Variants in ADM2 observed in about 807,000 individuals in gnomAD.
The protein encoded by ADM2 is adrenomedullin 2.
A neutral mutation model predicts 7.1 loss-of-function variants in ADM2; 5 were observed. The observed-to-expected ratio is 0.71, with a 90% CI of 0.37 to 1.49. The LOEUF (loss-of-function observed/expected upper bound fraction) is 1.49, where lower values mean the gene tolerates loss of function less well. Ranked by LOEUF, ADM2 falls within the 40% of genes most tolerant of loss-of-function variation. The pLI, the probability that ADM2 is intolerant of heterozygous loss-of-function variation, is 0.03. For synonymous variants in ADM2, 123 were observed against 92.8 expected, an observed-to-expected ratio of 1.33 and a Z score of -1.87; for missense variants, 236 against 211.2, an observed-to-expected ratio of 1.12 and a Z score of -0.73.
rs935974672 is a variant in ADM2 at position 50,481,767 on chromosome 22, C to A, written c.-12+4C>A. ...CGACCGCGGAGGACTCCCCGAGGTGCCGGCGGAGGGGGTGGCTCGCGGCTC... is the reference window on the plus strand; with the variant it reads ...CGACCGCGGAGGACTCCCCGAGGTGACGGCGGAGGGGGTGGCTCGCGGCTC... On this transcript the variant is annotated splice_donor_region_variant and intron_variant, in intron 1 of 2. Coordinates refer to ENST00000395737, the MANE Select transcript of ADM2 (RefSeq NM_001253845.2). 2 of 986,374 alleles carry A rather than the reference C, an allele frequency of 2.0e-6. No homozygotes were observed. Among genetic ancestry groups the A allele is most frequent in the Non-Finnish European group, 1.4e-6 (1 of 720,264 alleles). 61.1% of individuals were successfully genotyped at this position (986,374 alleles called of 1,614,324 possible). A position where few individuals can be genotyped will look rare whatever the true frequency, so the allele number is the denominator to read the frequency against.
rs1197461667 is a variant in ADM2, at chr22:50,485,289, G to C, written c.*2386G>C. 2 of 152,220 alleles carry C rather than the reference G, an allele frequency of 1.3e-5. No homozygotes were observed. The highest frequency in any genetic ancestry group is 2.4e-5 in the African/African-American group (1 of 41,422). 9.4% of individuals were successfully genotyped at this position (152,220 alleles called of 1,614,324 possible). On this transcript the variant is annotated 3_prime_UTR_variant, in exon 3 of 3. Coordinates refer to ENST00000395737, the MANE Select transcript of ADM2 (RefSeq NM_001253845.2). Reference sequence around the variant, plus strand: ...CTAAGCCCGGGAGGTGGAGGTTGCAGTGAGCCCAGATGGCGCTGCTGCACT... The same window carrying C: ...CTAAGCCCGGGAGGTGGAGGTTGCACTGAGCCCAGATGGCGCTGCTGCACT...
chr22:50,482,572 C>T lies in ADM2; in HGVS notation c.116C>T (p.Pro39Leu). The change falls in exon 3 of 3, where the codon CCC becomes CTC. Residue 39 changes from proline to leucine, a missense_variant. Transcript: ENST00000395737. ...TTCTCCATCTGCCTCTGCAGGGAGC[C>T]CCCAGCCCGGAGCCCTTCCAGCAGC... Reference protein sequence around the residue: ...GDPRPVKPREPPARSPSSSLQ... With the variant: ...GDPRPVKPRELPARSPSSSLQ... 6.9e-7 allele frequency: 1 copy of T among 1,459,068 alleles called. No homozygotes were observed. Among genetic ancestry groups the T allele is most frequent in the East Asian group, 2.5e-5 (1 of 40,366 alleles). 90.4% of individuals were successfully genotyped at this position (1,459,068 alleles called of 1,614,324 possible). A position where few individuals can be genotyped will look rare whatever the true frequency, so the allele number is the denominator to read the frequency against.
chr22:50,482,786 T>C lies in ADM2; in HGVS notation c.330T>C (p.Cys110=). 10 of 1,608,254 alleles carry C rather than the reference T, an allele frequency of 6.2e-6. No individual in the cohort carries two copies. Among genetic ancestry groups the C allele is most frequent in the Non-Finnish European group, 8.5e-6 (10 of 1,179,202 alleles). Reference sequence around the variant, plus strand: ...AAGCCCAGCTCCTGCGAGTGGGCTGTGTGCTGGGCACCTGCCAGGTGCAGA... The same window carrying C: ...AAGCCCAGCTCCTGCGAGTGGGCTGCGTGCTGGGCACCTGCCAGGTGCAGA... ...RTQAQLLRVG[C]VLGTCQVQNL... The change falls in exon 3 of 3, where the codon TGT becomes TGC. Residue 110 remains cysteine, a synonymous_variant. Transcript: ENST00000395737.
Position 50,485,387 on chromosome 22 carries a change from G to A in ADM2, c.*2484G>A, listed in dbSNP as rs1437307077. On this transcript the variant is annotated 3_prime_UTR_variant, in exon 3 of 3. Transcript: ENST00000395737. ...CCTCTCTTCCTTCACACCTTCCTCT[G>A]AATCCCACCCGGTCCCACCTCCTGA... 1.3e-5 allele frequency: 2 copies of A among 151,958 alleles called. No homozygotes were observed. Among genetic ancestry groups the A allele is most frequent in the Non-Finnish European group, 1.5e-5 (1 of 68,152 alleles). The allele number at this position is 151,958 out of a possible 1,614,324, so 9.4% of individuals were successfully genotyped here.
rs547189718 is a variant in ADM2 at position 50,484,317 on chromosome 22, T to C, written c.*1414T>C. 1 of 152,846 alleles carries C rather than the reference T, an allele frequency of 6.5e-6. No homozygotes were observed. The highest frequency in any genetic ancestry group is 2.4e-5 in the African/African-American group (1 of 41,560). 9.5% of individuals were successfully genotyped at this position (152,846 alleles called of 1,614,324 possible). ...ATTGCAGCAAAGGTGGTCAGGGTGA[T>C]GGGCCGCACAGCGAGGCAGTCAAGG... On this transcript the variant is annotated 3_prime_UTR_variant, in exon 3 of 3. Transcript: ENST00000395737.
At position 50,482,563 on chromosome 22, in the gene ADM2, G is replaced by A. The variant is rs752395630; in HGVS notation, c.111-4G>A. On this transcript the variant is annotated splice_polypyrimidine_tract_variant and splice_region_variant and intron_variant, in intron 2 of 2. Coordinates refer to ENST00000395737, the MANE Select transcript of ADM2 (RefSeq NM_001253845.2). ...TGGTTGACATTCTCCATCTGCCTCT[G>A]CAGGGAGCCCCCAGCCCGGAGCCCT... The A allele has an allele frequency of 6.2e-6, 9 of 1,455,132 alleles. No individual in the cohort carries two copies. Among genetic ancestry groups the A allele is most frequent in the Non-Finnish European group, 8.2e-6 (9 of 1,101,918 alleles). 90.1% of individuals were successfully genotyped at this position (1,455,132 alleles called of 1,614,324 possible).
chr22:50,482,222 G>C (rs561023764), intron 2 of ADM2, among the ~76,000 whole-genome samples: 2 of 152,298 alleles, frequency 1.3e-5, no homozygotes, highest in South Asian at 4.1e-4. Context: ...GGGAGGGGAG[G>C]CTGGCGGTAT....
In ADM2 at chr22:50,481,908, G is replaced by A; in HGVS notation, c.61G>A (p.Gly21Ser). ...CAGCCTCCTCTGCCTGCAGCTCCCTGGCTCGCTGTCCCGCAGCCTGGGCGG... is the reference window on the plus strand; with the variant it reads ...CAGCCTCCTCTGCCTGCAGCTCCCTAGCTCGCTGTCCCGCAGCCTGGGCGG... The part of the protein sequence containing the change: ...CISLLCLQLP[G>S]SLSRSLGGDP... Residue 21 changes from glycine (G) to serine (S), a missense_variant, in exon 2 of 3, where the codon GGC becomes AGC. Coordinates refer to ENST00000395737, the MANE Select transcript of ADM2 (RefSeq NM_001253845.2). The A allele has an allele frequency of 1.3e-6, 2 of 1,534,618 alleles. No individual in the cohort carries two copies. The highest frequency in any genetic ancestry group is 5.2e-5 in the East Asian group (2 of 38,188).
chr22:50,481,809 GC>G, intron 1 of ADM2, 27 bp from the exon 2 acceptor site: 1 of 1,414,812 alleles, frequency 7.1e-7, no homozygotes, highest in East Asian at 3.0e-5. Context: ...CCCCCGACGT[GC>G]CCGGCTCACC....
Position 50,482,928 on chromosome 22 carries a change from C to G in ADM2, c.*25C>G, listed in dbSNP as rs764410445. On this transcript the variant is annotated 3_prime_UTR_variant, in exon 3 of 3. Coordinates refer to ENST00000395737, the MANE Select transcript of ADM2 (RefSeq NM_001253845.2). ...AGGTGGGGCCGGGCCACACCCCTGCCCATCCCAGCCAGGGTGCTGTGCCCC... is the reference window on the plus strand; with the variant it reads ...AGGTGGGGCCGGGCCACACCCCTGCGCATCCCAGCCAGGGTGCTGTGCCCC... 2 of 1,562,048 alleles carry G rather than the reference C, an allele frequency of 1.3e-6. No homozygotes were observed. Among genetic ancestry groups the G allele is most frequent in the African/African-American group, 1.3e-5 (1 of 74,168 alleles).
intron 2 of ADM2, 94 bp from the exon 3 acceptor site, chr22:50,482,473 A>C (rs1162112581): frequency 7.1e-7 from 1 of 1,413,140 alleles, no homozygotes; most frequent in Non-Finnish European, 9.2e-7. Context: ...TTCCCCTGGC[A>C]GTGACCCAGG....
chr22:50,485,799 T>A lies in ADM2; in HGVS notation c.*2896T>A, dbSNP rs77415755. ...GTCAGCTGCCCACAGCCCTCTTGCC[T>A]GACCCCTGAAGCCCAGAACTCTGAT... On this transcript the variant is annotated 3_prime_UTR_variant, in exon 3 of 3. Coordinates refer to ENST00000395737, the MANE Select transcript of ADM2 (RefSeq NM_001253845.2). 343 of 152,626 alleles carry A rather than the reference T, an allele frequency of 2.2e-3. 4 individuals are homozygous for A. The highest frequency in any genetic ancestry group is 7.9e-3 in the African/African-American group (330 of 41,578). The allele number at this position is 152,626 out of a possible 1,614,324, so 9.5% of individuals were successfully genotyped here. A position where few individuals can be genotyped will look rare whatever the true frequency, so the allele number is the denominator to read the frequency against.
rs374533670 is a variant in ADM2, at chr22:50,482,615, C to A, written c.159C>A (p.Pro53=). 1 of 1,498,880 alleles carries A rather than the reference C, an allele frequency of 6.7e-7. No homozygotes were observed. The highest frequency in any genetic ancestry group is 8.9e-7 in the Non-Finnish European group (1 of 1,122,932). The allele number at this position is 1,498,880 out of a possible 1,614,324, so 92.8% of individuals were successfully genotyped here. A position where few individuals can be genotyped will look rare whatever the true frequency, so the allele number is the denominator to read the frequency against. The change falls in exon 3 of 3, where the codon CCC becomes CCA. Residue 53 remains proline, a synonymous_variant. Coordinates refer to ENST00000395737, the MANE Select transcript of ADM2 (RefSeq NM_001253845.2). ...CCAGCAGCCTGCAGCCCAGGCACCC[C>A]GCACCCCGACCTGTGGTCTGGAAGC... ...SPSSSLQPRH[P]APRPVVWKLH...
Position 50,482,542 on chromosome 22 carries a change from T to A in ADM2, c.111-25T>A, listed in dbSNP as rs368447980. 2.1e-6 allele frequency: 3 copies of A among 1,448,900 alleles called. No homozygotes were observed. In the East Asian group the frequency reaches 7.5e-5, roughly 36 times the overall value. The allele number at this position is 1,448,900 out of a possible 1,614,324, so 89.8% of individuals were successfully genotyped here. A position where few individuals can be genotyped will look rare whatever the true frequency, so the allele number is the denominator to read the frequency against. On this transcript the variant is annotated intron_variant, in intron 2 of 2. Coordinates refer to ENST00000395737, the MANE Select transcript of ADM2 (RefSeq NM_001253845.2). ...TCTCCAAAAGGCTGAGCCATCTGGT[T>A]GACATTCTCCATCTGCCTCTGCAGG...
Position 50,482,940 on chromosome 22 carries a change from G to A in ADM2, c.*37G>A. ...GCCACACCCCTGCCCATCCCAGCCA[G>A]GGTGCTGTGCCCCCGTCCAGAGCTG... On this transcript the variant is annotated 3_prime_UTR_variant, in exon 3 of 3. Transcript: ENST00000395737. 1 of 1,552,276 alleles carries A rather than the reference G, an allele frequency of 6.4e-7. No homozygotes were observed. The highest frequency in any genetic ancestry group is 8.7e-7 in the Non-Finnish European group (1 of 1,154,466).
At chr22:50,482,022 C>A in intron 2 of ADM2, 65 bp downstream of exon 2, 1 of 1,421,738 alleles carries the variant, frequency 7.0e-7, no homozygotes, top group Non-Finnish European at 9.5e-7. Context: ...TGCCGGGGGC[C>A]GCGGGGCCGC....
Position 50,481,885 on chromosome 22 carries a change from GCCT to G in ADM2, c.43_45del (p.Leu15del). ...CCGACGGCCGCCCTGGGTTGCATCAGCCTCCTCTGCCTGCAGCTCCCTGGCTCG... is the reference window on the plus strand; with the variant it reads ...CCGACGGCCGCCCTGGGTTGCATCAGCCTCTGCCTGCAGCTCCCTGGCTCG... On this transcript the variant is annotated inframe_deletion, in exon 2 of 3. Coordinates refer to ENST00000395737, the MANE Select transcript of ADM2 (RefSeq NM_001253845.2). 2 of 1,525,086 alleles carry G rather than the reference GCCT, an allele frequency of 1.3e-6. No individual in the cohort carries two copies. The highest frequency in any genetic ancestry group is 1.8e-6 in the Non-Finnish European group (2 of 1,140,248). 94.5% of individuals were successfully genotyped at this position (1,525,086 alleles called of 1,614,324 possible). A position where few individuals can be genotyped will look rare whatever the true frequency, so the allele number is the denominator to read the frequency against.
chr22:50,482,846 G>A lies in ADM2; in HGVS notation c.390G>A (p.Pro130=), dbSNP rs538224252. 1.1e-5 allele frequency: 18 copies of A among 1,606,488 alleles called. No homozygotes were observed. Among genetic ancestry groups the A allele is most frequent in the Admixed American group, 1.7e-5 (1 of 59,872 alleles). The change falls in exon 3 of 3, where the codon CCG becomes CCA. Residue 130 remains proline, a synonymous_variant. Transcript: ENST00000395737. Reference sequence around the variant, plus strand: ...ACCGCCTGTGGCAACTCATGGGACCGGCCGGCCGGCAGGACTCAGCTCCTG... The same window carrying A: ...ACCGCCTGTGGCAACTCATGGGACCAGCCGGCCGGCAGGACTCAGCTCCTG... ...LSHRLWQLMG[P]AGRQDSAPVD...
In ADM2 at chr22:50,482,086, C is replaced by T. The variant is rs2068203028; in HGVS notation, c.110+129C>T. 4.7e-6 allele frequency: 4 copies of T among 846,410 alleles called. No individual in the cohort carries two copies. In the East Asian group the frequency reaches 1.3e-4, roughly 27 times the overall value. The allele number at this position is 846,410 out of a possible 1,614,324, so 52.4% of individuals were successfully genotyped here. A position where few individuals can be genotyped will look rare whatever the true frequency, so the allele number is the denominator to read the frequency against. ...GGACTCCCCTCCCAAACAAAGGCCC[C>T]TACCCCAGGCTCAGGAGCGCCTGAG... On this transcript the variant is annotated intron_variant, in intron 2 of 2. Coordinates refer to ENST00000395737, the MANE Select transcript of ADM2 (RefSeq NM_001253845.2).
Sources: gnomAD v4.1 joint callset for allele counts (sites outside exome capture counted in the v4.1 genomes callset) on GRCh38, gnomAD v4.1.1 for gene constraint, MANE v1.5 for transcripts, NCBI Gene and HGNC (gene_info 2026-07-23, HGNC 2026-07-21) for gene names.